Variants in POMT2 observed in about 807,000 individuals in gnomAD.
The protein encoded by POMT2 is protein O-mannosyltransferase 2.
In POMT2, 75 loss-of-function variants were observed where a neutral mutation model predicts 100.0. The observed-to-expected ratio is 0.75, with a 90% CI of 0.62 to 0.91. The LOEUF is 0.91. Among genes scored for constraint, POMT2 ranks in the 40% least tolerant of loss-of-function variants. The probability of loss-of-function intolerance (pLI) is 0.00; values close to 1 mark genes in which losing one functional copy is unlikely to be tolerated. For synonymous variants in POMT2, 378 were observed against 374.1 expected (o/e 1.01, Z -0.12); for missense variants, 940 against 955.1 (o/e 0.98, Z 0.21).
rs1404003178 is a variant in POMT2 at position 77,279,018 on chromosome 14, A to G, written c.1892-149T>C. 5.4e-6 allele frequency: 6 copies of G among 1,102,080 alleles called. No individual in the cohort carries two copies. The Admixed American group carries it at 8.0e-5, about 15-fold the overall frequency. The allele number at this position is 1,102,080 out of a possible 1,614,324, so 68.3% of individuals were successfully genotyped here. A position where few individuals can be genotyped will look rare whatever the true frequency, so the allele number is the denominator to read the frequency against. On this transcript the variant is annotated intron_variant, in intron 18 of 20. Coordinates refer to ENST00000261534, the MANE Select transcript of POMT2 (RefSeq NM_013382.7). ...ACCCAAACCACGCTACAGAAACTGG[A>G]GAGGAGCAGCTGGGGCTCGAGAGCT...
intron 12 of POMT2, 89 bp downstream of exon 12, chr14:77,286,655 G>A (rs1890433396): frequency 1.3e-6 from 2 of 1,574,168 alleles, no homozygotes; most frequent in African/African-American, 1.3e-5. Flanking sequence ...GAACATTCCA[G>A]AATTCTGGGG....
At chr14:77,303,565 C>T (rs1016345915) in intron 4 of POMT2, among the ~76,000 whole-genome samples, 15 of 152,126 alleles carry the variant, frequency 9.9e-5, no homozygotes, top group Admixed American at 2.0e-4. Context: ...AGCCTTCTTA[C>T]TGTGATTTGA....
chr14:77,294,147 T>G (rs1031425296), intron 9 of POMT2, among the ~76,000 whole-genome samples: 1 of 152,188 alleles, frequency 6.6e-6, no homozygotes, highest in African/African-American at 2.4e-5. Flanking sequence ...CAGACATGAA[T>G]GGAGAATTAA....
chr14:77,310,810 CCGAGAG>C (rs751712720), intron 2 of POMT2, among the ~76,000 whole-genome samples: 3 of 152,196 alleles, frequency 2.0e-5, no homozygotes, highest in Non-Finnish European at 4.4e-5. Flanking sequence ...CAGGGCTAAT[CCGAGAG>C]CCTTCTCAGA....
chr14:77,300,364 T>A (rs1042898942), intron 6 of POMT2: 1 of 154,720 alleles, frequency 6.5e-6, no homozygotes, highest in Admixed American at 6.4e-5. Context: ...AAAATCAGGG[T>A]AATAACTCCC....
At chr14:77,283,751 C>T (rs1279144265) in intron 15 of POMT2, 46 bp downstream of exon 15, 2 of 1,501,320 alleles carry the variant, frequency 1.3e-6, no homozygotes, top group Admixed American at 1.7e-5. Context: ...TTCATGGCTG[C>T]CCAAAAGCTC....
At chr14:77,314,635 A>G (rs1891564452) in intron 1 of POMT2, among the ~76,000 whole-genome samples, 1 of 152,142 alleles carries the variant, frequency 6.6e-6, no homozygotes, top group Non-Finnish European at 1.5e-5. Flanking sequence ...GGCTGATGGA[A>G]AGAGGTAGGA....
At chr14:77,300,747 G>A in intron 6 of POMT2, 1 of 310,236 alleles carries the variant, frequency 3.2e-6, no homozygotes, top group Non-Finnish European at 6.2e-6. Context: ...TCGTACCCAG[G>A]AGGCGGAAGT....
intron 18 of POMT2, chr14:77,279,335 G>A: frequency 5.4e-6 from 2 of 367,784 alleles, no homozygotes; most frequent in Non-Finnish European, 1.1e-5. Flanking sequence ...TGTGGCCCAT[G>A]GTCTGGCAGC....
intron 9 of POMT2, among the ~76,000 whole-genome samples, chr14:77,294,016 AATGC>A (rs1890734995): frequency 1.3e-5 from 2 of 152,322 alleles, no homozygotes; most frequent in South Asian, 4.1e-4. Flanking sequence ...AAAAATGCAT[AATGC>A]ATGGGCCTCA....
At chr14:77,298,875 G>A in intron 7 of POMT2, 104 bp from the exon 8 acceptor site, 7 of 1,112,620 alleles carry the variant, frequency 6.3e-6, no homozygotes, top group Non-Finnish European at 8.0e-6. Context: ...AAGGAAAGTA[G>A]AATCAGATCA....
intron 8 of POMT2, among the ~76,000 whole-genome samples, chr14:77,298,314 G>T (rs1890902014): frequency 6.6e-6 from 1 of 152,192 alleles, no homozygotes; most frequent in African/African-American, 2.4e-5. Flanking sequence ...TCTGGAGGGT[G>T]AGCACGCGCT....
rs1183341063 is a variant in POMT2 at position 77,278,434 on chromosome 14, C to G, written c.2107G>C (p.Val703Leu). The change falls in exon 20 of 21, where the codon GTG (valine) becomes CTG (leucine). Residue 703 changes from valine to leucine, a missense_variant. By Grantham distance (32) the Val-to-Leu change is conservative. Coordinates refer to ENST00000261534, the MANE Select transcript of POMT2 (RefSeq NM_013382.7). Reference sequence around the variant, plus strand: ...AGGAGCAGGCTCAGGATTCCCGCCACATGTATGCCCCTCGCCAGGGGCCAT... The same window carrying G: ...AGGAGCAGGCTCAGGATTCCCGCCAGATGTATGCCCCTCGCCAGGGGCCAT... The part of the protein sequence containing the change: ...ASWPLARGIH[V>L]AGILSLLLGT... 2 of 1,496,674 alleles carry G rather than the reference C, an allele frequency of 1.3e-6. No homozygotes were observed. Among genetic ancestry groups the G allele is most frequent in the African/African-American group, 2.8e-5 (2 of 71,750 alleles). 92.7% of individuals were successfully genotyped at this position (1,496,674 alleles called of 1,614,324 possible). A position where few individuals can be genotyped will look rare whatever the true frequency, so the allele number is the denominator to read the frequency against.
At position 77,301,145 on chromosome 14, in the gene POMT2, C is replaced by T. The variant is rs1301716090; in HGVS notation, c.761G>A (p.Gly254Glu). ...FVGLFIILQV[G>E]LNTIADLWYL... is the part of the protein sequence containing the mutation. ...CCAAAGGTCTGCAATGGTGTTCAGC[C>T]CCACTTGAAGGATGATAAAGAGGCC... The change falls in exon 6 of 21, where the codon GGG becomes GAG. Residue 254 changes from glycine (G) to glutamate (E), a missense_variant. Coordinates refer to ENST00000261534, the MANE Select transcript of POMT2 (RefSeq NM_013382.7). The T allele has an allele frequency of 6.2e-7, 1 of 1,614,192 alleles. No homozygotes were observed. Among genetic ancestry groups the T allele is most frequent in the Non-Finnish European group, 8.5e-7 (1 of 1,180,036 alleles).
At chr14:77,281,095 A>AAAATAAATAAAT (rs145830278) in intron 15 of POMT2, among the ~76,000 whole-genome samples, 87 of 144,776 alleles carry the variant, frequency 6.0e-4, no homozygotes, top group East Asian at 2.3e-3. Flanking sequence ...ACTCAGTCTC[A>AAAATAAATAAAT]AAATAAATAA....
In POMT2 at chr14:77,298,477, T is replaced by C. The variant is rs73311328; in HGVS notation, c.1006+212A>G. On this transcript the variant is annotated intron_variant, in intron 8 of 20. Coordinates refer to ENST00000261534, the MANE Select transcript of POMT2 (RefSeq NM_013382.7). ...TTGGAGAGCCACCAAGGAGAAGTCA[T>C]TCTTTAGGGTCAGAGAGCTTGCTGC... Among the ~76,000 whole-genome samples, 15,799 of 152,260 alleles carry C rather than the reference T, an allele frequency of 0.1. 1,619 individuals carry two copies. Among genetic ancestry groups the C allele is most frequent in the African/African-American group, 0.27 (11,056 of 41,520 alleles).
chr14:77,316,312 C>T (rs1189114389), intron 1 of POMT2, among the ~76,000 whole-genome samples: 2 of 152,152 alleles, frequency 1.3e-5, no homozygotes, highest in African/African-American at 4.8e-5. Context: ...AAGAGTACAG[C>T]TGGTAATCCC....
chr14:77,309,746 G>C (rs1046170615), intron 2 of POMT2, among the ~76,000 whole-genome samples: 1 of 152,064 alleles, frequency 6.6e-6, no homozygotes, highest in South Asian at 2.1e-4. Flanking sequence ...GCAGTGGCAC[G>C]ATCTCAGCTC....
intron 15 of POMT2, among the ~76,000 whole-genome samples, chr14:77,283,212 T>C (rs1282154042): frequency 6.6e-6 from 1 of 152,248 alleles, no homozygotes; most frequent in Non-Finnish European, 1.5e-5. Flanking sequence ...ATGCTGCATA[T>C]AAACAACACA....
Sources: allele counts gnomAD v4.1 joint callset (sites outside exome capture counted in the v4.1 genomes callset), GRCh38; gene constraint gnomAD v4.1.1; transcripts MANE v1.5; gene names NCBI Gene and HGNC (gene_info 2026-07-23, HGNC 2026-07-21).